MYH10: variants seen among roughly 807,000 people sequenced by gnomAD.
The protein encoded by MYH10 is myosin-10.
Under a neutral mutation model 257.8 loss-of-function variants are expected in MYH10, and 55 were observed. The ratio of observed to expected loss-of-function variants is 0.21; its 90% CI spans 0.17 to 0.27. The LOEUF is 0.27. MYH10 is among the 10% of genes least tolerant of loss of function. The pLI is 1.00. For missense variants in MYH10, 1,631 were observed against 2,500.6 expected, an observed-to-expected ratio of 0.65 and a Z score of 7.42; for synonymous variants, 854 against 921.7, an observed-to-expected ratio of 0.93 and a Z score of 1.33.
Position 8,477,178 on chromosome 17 carries a change from C to T in MYH10, c.5707-130G>A, listed in dbSNP as rs1187267071. ...GAGCACGCGTGTACACGGATGTACA[C>T]GCGTGCCTGGGGGCTGGTCGGAGGC... On this transcript the variant is annotated intron_variant, in intron 41 of 42. Transcript: ENST00000360416. This position sits in a 1 kb window ranked among gnomAD's most constrained non-coding sequence, Gnocchi z 4.2. The T allele has an allele frequency of 1.1e-5, 11 of 987,776 alleles. 1 individual carries two copies. Among genetic ancestry groups the T allele is most frequent in the South Asian group, 5.2e-5 (3 of 57,790 alleles). The allele number at this position is 987,776 out of a possible 1,614,324, so 61.2% of individuals were successfully genotyped here. A position where few individuals can be genotyped will look rare whatever the true frequency, so the allele number is the denominator to read the frequency against.
rs1038557470 is a variant in MYH10 at position 8,478,363 on chromosome 17, C to T, written c.5681G>A (p.Arg1894Gln). 3.7e-6 allele frequency: 6 copies of T among 1,613,966 alleles called. No homozygotes were observed. Among genetic ancestry groups the T allele is most frequent in the Non-Finnish European group, 5.1e-6 (6 of 1,179,994 alleles). The change falls in exon 41 of 43, where the codon CGA (arginine) becomes CAA (glutamine). Residue 1894 changes from arginine (R) to glutamine (Q), a missense_variant. Physicochemically the swap from Arg to Gln is conservative, Grantham distance 43. Around this residue, in one of 11 missense-constraint regions of MYH10, gnomAD observed 343 missense variants for 389.5 expected, o/e 0.88. Coordinates refer to ENST00000360416, the MANE Select transcript of MYH10 (RefSeq NM_001256012.3). ...EIFMQVEDERRHADQYKEQME... is the reference protein window; with the variant it reads ...EIFMQVEDERQHADQYKEQME... The stretch of plus-strand genomic sequence containing the variant: ...CTGCTCTTTATACTGGTCCGCGTGT[C>T]GACGCTCATCCTCAACCTGCATGAA...
In MYH10 at chr17:8,504,293, A is replaced by G. The variant is rs2081002844; in HGVS notation, c.3599+401T>C. Among the ~76,000 whole-genome samples the G allele has an allele frequency of 6.6e-6, 1 of 152,120 alleles. No individual in the cohort carries two copies. The highest frequency in any genetic ancestry group is 1.5e-5 in the Non-Finnish European group (1 of 68,010). On this transcript the variant is annotated intron_variant, in intron 28 of 42. Transcript: ENST00000360416. This position sits in a 1 kb window ranked among gnomAD's most constrained non-coding sequence, Gnocchi z 5.6. ...ACCTACACCGTTCACACCACCTAGC[A>G]CTGCCAGCATGTGTGCCTGGCCTCC...
In MYH10 at chr17:8,518,865, A is replaced by T. The variant is rs767815633; in HGVS notation, c.2343+16T>A. ...GATTAAATCTACAAGCCAGAAAAAG[A>T]TCAAGAAAACCTTACCATTCGTTCA... On this transcript the variant is annotated intron_variant, in intron 20 of 42. Transcript: ENST00000360416. 6.2e-7 allele frequency: 1 copy of T among 1,603,734 alleles called. No homozygotes were observed. Among genetic ancestry groups the T allele is most frequent in the South Asian group, 1.1e-5 (1 of 88,566 alleles).
chr17:8,495,058 T>G, intron 31 of MYH10, 79 bp downstream of exon 31: 1 of 882,052 alleles, frequency 1.1e-6, no homozygotes. Context: ...AAGGCAATTC[T>G]GGGGCCAGCA....
rs755655536 is a variant in MYH10 at position 8,490,471 on chromosome 17, C to T, written c.4753G>A (p.Glu1585Lys). 1 of 1,614,192 alleles carries T rather than the reference C, an allele frequency of 6.2e-7. No individual in the cohort carries two copies. The highest frequency in any genetic ancestry group is 2.2e-5 in the East Asian group (1 of 44,886). ...TTGGCATCTTCCGTGGCCTGGAGTT[C>T]GTCTTCCAGCTCCTCCAGCTGGGTC... The part of the protein sequence containing the change: ...MRTQLEELED[E>K]LQATEDAKLR... The change falls in exon 35 of 43, where the codon GAA (glutamate) becomes AAA (lysine). Residue 1585 changes from glutamate (E) to lysine (K), a missense_variant. By Grantham distance (56) the Glu-to-Lys change is moderately conservative. Around this residue, in one of 11 missense-constraint regions of MYH10, gnomAD observed 463 missense variants for 621.8 expected, o/e 0.74. Transcript: ENST00000360416. This position sits in a 1 kb window ranked among gnomAD's most constrained non-coding sequence, Gnocchi z 4.1.
At chr17:8,559,216 T>A (rs2082905772) in intron 7 of MYH10, among the ~76,000 whole-genome samples, 2 of 152,214 alleles carry the variant, frequency 1.3e-5, no homozygotes, top group East Asian at 3.8e-4. Context: ...ATCTGTCTCT[T>A]TGTATTCATC....
chr17:8,593,669 A>C (rs1317265867), intron 3 of MYH10, among the ~76,000 whole-genome samples: 1 of 152,144 alleles, frequency 6.6e-6, no homozygotes, highest in Non-Finnish European at 1.5e-5. Context: ...GAAAACTACA[A>C]AACACTAATG....
chr17:8,623,496 T>C (rs1331438120), intron 1 of MYH10: 4 of 289,620 alleles, frequency 1.4e-5, no homozygotes, highest in Non-Finnish European at 2.5e-5. Flanking sequence ...TGCCCTCAGT[T>C]ACTGAGGGCA....
In MYH10 at chr17:8,602,508, A is replaced by G. The variant is rs2084650360; in HGVS notation, c.502+2318T>C. On this transcript the variant is annotated intron_variant, in intron 3 of 42. Coordinates refer to ENST00000360416, the MANE Select transcript of MYH10 (RefSeq NM_001256012.3). ...TTTACCAGCAATGCTGCATATGCTA[A>G]TGTCTGACTAGCCCTGCAGATGCCC... Among the ~76,000 whole-genome samples, 5 of 152,240 alleles carry G rather than the reference A, an allele frequency of 3.3e-5. No individual in the cohort carries two copies. The South Asian group carries it at 1.0e-3, about 32-fold the overall frequency.
chr17:8,501,058 T>C (rs1218572547), intron 28 of MYH10, 88 bp from the exon 29 acceptor site: 7 of 1,331,876 alleles, frequency 5.3e-6, no homozygotes, highest in Non-Finnish European at 7.2e-6. Context: ...GTTTTTGTTT[T>C]AAATATTACA....
chr17:8,525,813 G>A (rs2081823832), intron 17 of MYH10, among the ~76,000 whole-genome samples: 2 of 151,840 alleles, frequency 1.3e-5, no homozygotes, highest in Admixed American at 1.3e-4. Context: ...GTTTTTTTGA[G>A]ATGGAGTCTT....
chr17:8,479,519 C>T (rs920573101), intron 40 of MYH10, among the ~76,000 whole-genome samples: 2 of 152,170 alleles, frequency 1.3e-5, no homozygotes, highest in Admixed American at 6.5e-5. Flanking sequence ...AGTCCTGGCA[C>T]GAGAGGCTGG....
chr17:8,499,553 C>T, intron 29 of MYH10, 77 bp from the exon 30 acceptor site: 1 of 1,319,812 alleles, frequency 7.6e-7, no homozygotes. Context: ...TTTGAGTCTG[C>T]AGAATTGTGC....
chr17:8,507,004 G>A (rs377311727), intron 26 of MYH10, among the ~76,000 whole-genome samples: 1 of 152,208 alleles, frequency 6.6e-6, no homozygotes, highest in East Asian at 1.9e-4. Flanking sequence ...ATTCTGCAGT[G>A]ATCTCTCAGT....
At chr17:8,598,854 A>G (rs1385088099) in intron 3 of MYH10, among the ~76,000 whole-genome samples, 1 of 151,998 alleles carries the variant, frequency 6.6e-6, no homozygotes. Context: ...CTATAGAAGC[A>G]TGCCACCACA....
At chr17:8,578,347 A>G (rs2046108841) in intron 4 of MYH10, among the ~76,000 whole-genome samples, 1 of 150,744 alleles carries the variant, frequency 6.6e-6, no homozygotes, top group African/African-American at 2.4e-5. Flanking sequence ...GGTTCAAACA[A>G]TTCTCCTGCC....
intron 37 of MYH10, among the ~76,000 whole-genome samples, chr17:8,482,205 AAGTC>A (rs1377169431): frequency 6.6e-6 from 1 of 152,168 alleles, no homozygotes; most frequent in Non-Finnish European, 1.5e-5. Flanking sequence ...CAGCAGCAAA[AAGTC>A]AGGGTTCCTA....
chr17:8,525,270 C>A (rs531012873), intron 17 of MYH10, among the ~76,000 whole-genome samples: 52 of 152,348 alleles, frequency 3.4e-4, no homozygotes, highest in Non-Finnish European at 6.6e-4. Flanking sequence ...ATACACCACT[C>A]CCTTCTCTAG....
intron 26 of MYH10, among the ~76,000 whole-genome samples, chr17:8,507,063 C>G (rs1173001804): frequency 6.6e-6 from 1 of 152,216 alleles, no homozygotes; most frequent in African/African-American, 2.4e-5. Flanking sequence ...TCACAACAAC[C>G]TGTATGCCTT....
Sources: gnomAD v4.1 joint callset for allele counts (sites outside exome capture counted in the v4.1 genomes callset) on GRCh38, gnomAD v4.1.1 for gene constraint, gnomAD v4.1.1 regional missense constraint, Gnocchi (gnomAD v3.1) non-coding constraint, MANE v1.5 for transcripts, NCBI Gene and HGNC (gene_info 2026-07-23, HGNC 2026-07-21) for gene names.